Variants in CREB3 observed in about 807,000 individuals in gnomAD.
CREB3 encodes cAMP responsive element binding protein 3, also known as cyclic AMP-responsive element-binding protein 3.
In CREB3, 29 loss-of-function variants were observed where a neutral mutation model predicts 34.5. The observed-to-expected ratio is 0.84, with a 90% confidence interval of 0.63 to 1.15. The LOEUF (loss-of-function observed/expected upper bound fraction) is 1.15, where lower values mean the gene tolerates loss of function less well. CREB3 is among the 50% of genes most tolerant of loss of function. The pLI, the probability that CREB3 is intolerant of heterozygous loss-of-function variation, is 0.00. For synonymous variants in CREB3, 187 were observed against 173.9 expected (o/e 1.08, Z -0.59); for missense variants, 447 against 443.4 (o/e 1.01, Z -0.07).
chr9:35,736,611 C>T lies in CREB3; in HGVS notation c.1001C>T (p.Ser334Leu), dbSNP rs781690546. The T allele has an allele frequency of 6.2e-7, 1 of 1,614,036 alleles. No individual in the cohort carries two copies. Among genetic ancestry groups the T allele is most frequent in the African/African-American group, 1.3e-5 (1 of 75,058 alleles). The change falls in exon 9 of 9, where the codon TCA (serine) becomes TTA (leucine). Residue 334 changes from serine (S) to leucine (L), a missense_variant. Transcript: ENST00000353704. ...GAGTGGCCATTCCCTGACCTCTTCT[C>T]AGAGCCTCTCTGCCGAGGTCCCATC... Reference protein sequence around the residue: ...PLEWPFPDLFSEPLCRGPILP... With the variant: ...PLEWPFPDLFLEPLCRGPILP...
Position 35,735,183 on chromosome 9 carries a change from AAAG to A in CREB3, c.514_516del (p.Lys172del), listed in dbSNP as rs1312276366. The A allele has an allele frequency of 9.4e-6, 15 of 1,603,638 alleles. No individual in the cohort carries two copies. Among genetic ancestry groups the A allele is most frequent in the Middle Eastern group, 1.7e-4 (1 of 6,044 alleles). On this transcript the variant is annotated inframe_deletion, in exon 5 of 9. Transcript: ENST00000353704. Reference sequence around the variant, plus strand: ...GATCTGCTCAAGAGAGCCGCAGGAAAAAGAAGGTGTATGTTGGGGGTTTAGAGA... The same window carrying A: ...GATCTGCTCAAGAGAGCCGCAGGAAAAAGGTGTATGTTGGGGGTTTAGAGA...
In CREB3 at chr9:35,735,184, A is replaced by C. The variant is rs1358716622; in HGVS notation, c.511A>C (p.Lys171Gln). The change falls in exon 5 of 9, where the codon AAG (lysine) becomes CAG (glutamine). Residue 171 changes from lysine to glutamine, a missense_variant. Physicochemically the swap from Lys to Gln is moderately conservative, Grantham distance 53. Transcript: ENST00000353704. ...KRSAQESRRK[K>Q]KVYVGGLESR... ...ATCTGCTCAAGAGAGCCGCAGGAAA[A>C]AGAAGGTGTATGTTGGGGGTTTAGA... 5.6e-6 allele frequency: 9 copies of C among 1,603,572 alleles called. No homozygotes were observed. The highest frequency in any genetic ancestry group is 7.6e-6 in the Non-Finnish European group (9 of 1,177,574).
chr9:35,736,833 G>T lies in CREB3; in HGVS notation c.*107G>T. On this transcript the variant is annotated 3_prime_UTR_variant, in exon 9 of 9. Coordinates refer to ENST00000353704, the MANE Select transcript of CREB3 (RefSeq NM_006368.5). ...TGGCCGCAGCTCCTGTGCCCTGTCA[G>T]GACGACTGAGGGCTCAAACACACCA... is the stretch of plus-strand genomic sequence containing the variant. The T allele has an allele frequency of 9.6e-7, 1 of 1,036,658 alleles. No homozygotes were observed. The highest frequency in any genetic ancestry group is 1.4e-6 in the Non-Finnish European group (1 of 707,446). 64.2% of individuals were successfully genotyped at this position (1,036,658 alleles called of 1,614,324 possible). A position where few individuals can be genotyped will look rare whatever the true frequency, so the allele number is the denominator to read the frequency against.
chr9:35,735,846 T>C lies in CREB3; in HGVS notation c.612-202T>C, dbSNP rs1826191421. On this transcript the variant is annotated intron_variant, in intron 6 of 8. Coordinates refer to ENST00000353704, the MANE Select transcript of CREB3 (RefSeq NM_006368.5). ...AGAGTTTTTTTGTTTTGTTTTGTTT[T>C]TGCTTTTTGTTGTTGTTGTTGTTTT... Among the ~76,000 whole-genome samples, 3 of 151,292 alleles carry C rather than the reference T, an allele frequency of 2.0e-5. No homozygotes were observed. The South Asian group carries it at 6.2e-4, about 31-fold the overall frequency.
At position 35,732,694 on chromosome 9, in the gene CREB3, GC is replaced by G. The variant is rs1332897559; in HGVS notation, c.-77del. The G allele has an allele frequency of 6.5e-7, 1 of 1,541,218 alleles. No homozygotes were observed. Among genetic ancestry groups the G allele is most frequent in the East Asian group, 2.2e-5 (1 of 44,450 alleles). The stretch of plus-strand genomic sequence containing the variant: ...GAGGGACAGTGGATAGGTGCCCGAG[GC>G]CTACAGCTGGCCTGGGGCTCGTGTC... On this transcript the variant is annotated 5_prime_UTR_variant, in exon 1 of 9. Coordinates refer to ENST00000353704, the MANE Select transcript of CREB3 (RefSeq NM_006368.5). The surrounding 1 kb of genome is among the most constrained non-coding windows in gnomAD (Gnocchi z 5.1).
Position 35,736,795 on chromosome 9 carries a change from G to T in CREB3, c.*69G>T. 7.1e-7 allele frequency: 1 copy of T among 1,418,092 alleles called. No homozygotes were observed. 87.8% of individuals were successfully genotyped at this position (1,418,092 alleles called of 1,614,324 possible). On this transcript the variant is annotated 3_prime_UTR_variant, in exon 9 of 9. Coordinates refer to ENST00000353704, the MANE Select transcript of CREB3 (RefSeq NM_006368.5). The stretch of plus-strand genomic sequence containing the variant: ...CCCCATCTGTGTCCAAATAAAAAGC[G>T]GTGGGCAAGGGCTGGCCGCAGCTCC...
Position 35,733,389 on chromosome 9 carries a change from AC to A in CREB3, c.346-4del. ...TGCAACTGCCGTCCACTTTCTTGTT[AC>A]CCTAGGAGATTGCTAGGCTAGTACT... On this transcript the variant is annotated splice_region_variant and splice_polypyrimidine_tract_variant and intron_variant, in intron 3 of 8. Transcript: ENST00000353704. 1 of 1,613,152 alleles carries A rather than the reference AC, an allele frequency of 6.2e-7. No individual in the cohort carries two copies. Among genetic ancestry groups the A allele is most frequent in the Non-Finnish European group, 8.5e-7 (1 of 1,179,200 alleles).
chr9:35,735,439 C>T, intron 6 of CREB3, 65 bp downstream of exon 6: 1 of 1,417,518 alleles, frequency 7.1e-7, no homozygotes, highest in Non-Finnish European at 1.0e-6. Flanking sequence ...ACTCTTTCCC[C>T]TGCCCTACAC....
Position 35,735,212 on chromosome 9 carries a change from G to T in CREB3, c.539G>T (p.Ser180Ile), listed in dbSNP as rs1254269464. 2 of 1,611,926 alleles carry T rather than the reference G, an allele frequency of 1.2e-6. No homozygotes were observed. The highest frequency in any genetic ancestry group is 1.7e-6 in the Non-Finnish European group (2 of 1,179,364). ...KKKVYVGGLE[S>I]RVLKYTAQNM... Reference sequence around the variant, plus strand: ...AAGGTGTATGTTGGGGGTTTAGAGAGCAGGTATGAAAGGGAGAGGGACTCT... The same window carrying T: ...AAGGTGTATGTTGGGGGTTTAGAGATCAGGTATGAAAGGGAGAGGGACTCT... Residue 180 changes from serine (S) to isoleucine (I), a missense_variant, in exon 5 of 9, where the codon AGC becomes ATC. Physicochemically the swap from Ser to Ile is moderately radical, Grantham distance 142. Coordinates refer to ENST00000353704, the MANE Select transcript of CREB3 (RefSeq NM_006368.5).
intron 4 of CREB3, 68 bp from the exon 5 acceptor site, chr9:35,735,041 C>A: frequency 3.1e-6 from 4 of 1,272,500 alleles, no homozygotes; most frequent in Non-Finnish European, 4.4e-6. Context: ...AGAGATTGAT[C>A]TCAGTTGCGT....
rs1389270976 is a variant in CREB3 at position 35,736,643 on chromosome 9, C to T, written c.1033C>T (p.Leu345=). The change falls in exon 9 of 9, where the codon CTG becomes TTG. Residue 345 remains leucine (L), a synonymous_variant. Transcript: ENST00000353704. ...TCTCTGCCGAGGTCCCATCCTCCCC[C>T]TGCAGGCAAATCTCACAAGGAAGGG... ...EPLCRGPILP[L]QANLTRKGGW... is the part of the protein sequence containing the mutation. The T allele has an allele frequency of 1.9e-6, 3 of 1,613,790 alleles. No homozygotes were observed. Among genetic ancestry groups the T allele is most frequent in the East Asian group, 2.2e-5 (1 of 44,888 alleles).
At position 35,736,518 on chromosome 9, in the gene CREB3, A is replaced by G. The variant is rs760687176; in HGVS notation, c.908A>G (p.Gln303Arg). The G allele has an allele frequency of 3.2e-5, 51 of 1,614,188 alleles. No individual in the cohort carries two copies. The highest frequency in any genetic ancestry group is 4.3e-5 in the Non-Finnish European group (51 of 1,180,030). The stretch of plus-strand genomic sequence containing the variant: ...TTGGACGGCTCAGACTGTGTACTCC[A>G]GGCCCCTGGCAACACTTCCTGCCTG... The part of the protein sequence containing the change: ...QWLDGSDCVL[Q>R]APGNTSCLLH... The change falls in exon 9 of 9, where the codon CAG (glutamine) becomes CGG (arginine). Residue 303 changes from glutamine (Q) to arginine (R), a missense_variant. Transcript: ENST00000353704.
In CREB3 at chr9:35,735,182, A is replaced by G. The variant is rs1350736799; in HGVS notation, c.509A>G (p.Lys170Arg). 1 of 1,603,750 alleles carries G rather than the reference A, an allele frequency of 6.2e-7. No homozygotes were observed. The highest frequency in any genetic ancestry group is 8.5e-7 in the Non-Finnish European group (1 of 1,177,588). ...AGATCTGCTCAAGAGAGCCGCAGGA[A>G]AAAGAAGGTGTATGTTGGGGGTTTA... ...NKRSAQESRR[K>R]KKVYVGGLES... is the part of the protein sequence containing the mutation. The change falls in exon 5 of 9, where the codon AAA (lysine) becomes AGA (arginine). Residue 170 changes from lysine to arginine, a missense_variant. Lys to Arg is a conservative substitution (Grantham distance 26, BLOSUM62 2). Coordinates refer to ENST00000353704, the MANE Select transcript of CREB3 (RefSeq NM_006368.5).
Position 35,733,212 on chromosome 9 carries a change from CAG to C in CREB3, c.280_281del, listed in dbSNP as rs1826124555. On this transcript the variant is annotated splice_acceptor_variant, in intron 2 of 8. Coordinates refer to ENST00000353704, the MANE Select transcript of CREB3 (RefSeq NM_006368.5). LOFTEE classifies it high-confidence loss of function. Reference sequence around the variant, plus strand: ...CTGGCTATTCATACTTTCCCTTTTGCAGAGAGTGAGAGCTGTAGAAAAGAGGG... The same window carrying C: ...CTGGCTATTCATACTTTCCCTTTTGCAGAGTGAGAGCTGTAGAAAAGAGGG... The C allele has an allele frequency of 3.7e-6, 6 of 1,614,148 alleles. No homozygotes were observed. The South Asian group carries it at 4.4e-5, about 12-fold the overall frequency.
At position 35,736,146 on chromosome 9, in the gene CREB3, T is replaced by A. The variant is rs1451606369; in HGVS notation, c.696+14T>A. 1 of 1,613,250 alleles carries A rather than the reference T, an allele frequency of 6.2e-7. No individual in the cohort carries two copies. The highest frequency in any genetic ancestry group is 8.5e-7 in the Non-Finnish European group (1 of 1,179,304). ...ACCTGCATCTTGGTGAGGATGGTGA[T>A]GAGGGGAGAAATCCTTTTCTCAGTT... On this transcript the variant is annotated intron_variant, in intron 7 of 8. Coordinates refer to ENST00000353704, the MANE Select transcript of CREB3 (RefSeq NM_006368.5).
In CREB3 at chr9:35,736,850, A is replaced by AACACACC; in HGVS notation, c.*129_*135dup. The AACACACC allele has an allele frequency of 1.1e-6, 1 of 890,496 alleles. No individual in the cohort carries two copies. The highest frequency in any genetic ancestry group is 1.7e-5 in the African/African-American group (1 of 59,954). The allele number at this position is 890,496 out of a possible 1,614,324, so 55.2% of individuals were successfully genotyped here. A position where few individuals can be genotyped will look rare whatever the true frequency, so the allele number is the denominator to read the frequency against. On this transcript the variant is annotated 3_prime_UTR_variant, in exon 9 of 9. Transcript: ENST00000353704. Reference sequence around the variant, plus strand: ...CCCTGTCAGGACGACTGAGGGCTCAAACACACCACACTTAATGGCTTTCTG... The same window carrying AACACACC: ...CCCTGTCAGGACGACTGAGGGCTCAAACACACCACACACCACACTTAATGGCTTTCTG...
At chr9:35,734,139 A>AT (rs992249619) in intron 4 of CREB3, among the ~76,000 whole-genome samples, 205 of 148,768 alleles carry the variant, frequency 1.4e-3, no homozygotes, top group Middle Eastern at 3.4e-3. Flanking sequence ...CTGCCCGGCA[A>AT]TTTTTTTTTT....
chr9:35,736,221 C>G lies in CREB3; in HGVS notation c.697-6C>G. The G allele has an allele frequency of 6.2e-7, 1 of 1,614,054 alleles. No homozygotes were observed. The highest frequency in any genetic ancestry group is 8.5e-7 in the Non-Finnish European group (1 of 1,179,906). On this transcript the variant is annotated splice_region_variant and splice_polypyrimidine_tract_variant and intron_variant, in intron 7 of 8. Transcript: ENST00000353704. Reference sequence around the variant, plus strand: ...CCTTCTTCATCTCCTTTTTCCTGTGCTCTAGGTCCTACTAGTCTCCTTCTG... The same window carrying G: ...CCTTCTTCATCTCCTTTTTCCTGTGGTCTAGGTCCTACTAGTCTCCTTCTG...
At position 35,735,097 on chromosome 9, in the gene CREB3, G is replaced by A; in HGVS notation, c.436-12G>A. 6.3e-7 allele frequency: 1 copy of A among 1,594,400 alleles called. No individual in the cohort carries two copies. Among genetic ancestry groups the A allele is most frequent in the East Asian group, 2.2e-5 (1 of 44,780 alleles). On this transcript the variant is annotated splice_polypyrimidine_tract_variant and intron_variant, in intron 4 of 8. Transcript: ENST00000353704. ...TTCCTCTAATGATATCCCTTTCCCTGTTTCCTTTCAGACAGAGGAACAAAT... is the reference window on the plus strand; with the variant it reads ...TTCCTCTAATGATATCCCTTTCCCTATTTCCTTTCAGACAGAGGAACAAAT...
Sources: allele counts gnomAD v4.1 joint callset (sites outside exome capture counted in the v4.1 genomes callset), GRCh38; gene constraint gnomAD v4.1.1; non-coding constraint Gnocchi (gnomAD v3.1); transcripts MANE v1.5; gene names NCBI Gene and HGNC (gene_info 2026-07-23, HGNC 2026-07-21).